The following MYO1D variants were observed in gnomAD, a reference collection of about 807,000 sequenced individuals.
MYO1D encodes myosin ID.
A neutral mutation model predicts 122.0 loss-of-function variants in MYO1D; 83 were observed. The observed-to-expected ratio is 0.68, with a 90% CI of 0.57 to 0.82. The LOEUF (loss-of-function observed/expected upper bound fraction) is 0.82. Ranked by LOEUF, MYO1D falls within the 40% of genes least tolerant of loss-of-function variation. MYO1D has a pLI of 0.00. For missense variants in MYO1D, 1,157 were observed against 1,269.5 expected (o/e 0.91, Z 1.35); for synonymous variants, 464 against 446.9 (o/e 1.04, Z -0.48).
Position 32,772,840 on chromosome 17 carries a change from A to G in MYO1D, c.567T>C (p.Ser189=), listed in dbSNP as rs961955902. The G allele has an allele frequency of 4.3e-6, 7 of 1,613,316 alleles. No individual in the cohort carries two copies. The highest frequency in any genetic ancestry group is 1.7e-5 in the Admixed American group (1 of 59,994). Residue 189 remains serine (S), a splice_region_variant and synonymous_variant, in exon 5 of 22, where the codon TCT becomes TCC. Transcript: ENST00000318217. ...CTCCTGGCTGTTGCACAATCACTCG[A>G]GACTAAGAAAAAACACATTAAAATG... ...GHINNYLLEK[S]RVIVQQPGER...
At chr17:32,603,117 C>T (rs1481074099) in intron 21 of MYO1D, among the ~76,000 whole-genome samples, 4 of 151,526 alleles carry the variant, frequency 2.6e-5, no homozygotes, top group Non-Finnish European at 5.9e-5. Context: ...TGATAGTCTT[C>T]TCTTCACATT....
intron 16 of MYO1D, among the ~76,000 whole-genome samples, chr17:32,696,225 C>T (rs2089170485): frequency 6.6e-6 from 1 of 151,852 alleles, no homozygotes; most frequent in African/African-American, 2.4e-5. Flanking sequence ...TTCACTGTGG[C>T]ATTTCACAGA....
intron 4 of MYO1D, among the ~76,000 whole-genome samples, chr17:32,774,080 T>A (rs1344951867): frequency 6.6e-6 from 1 of 152,078 alleles, no homozygotes; most frequent in African/African-American, 2.4e-5. Flanking sequence ...ATAATCCTTT[T>A]ATCACCTCCC....
intron 16 of MYO1D, among the ~76,000 whole-genome samples, chr17:32,695,334 T>C (rs2089158812): frequency 6.6e-6 from 1 of 152,212 alleles, no homozygotes; most frequent in Non-Finnish European, 1.5e-5. Flanking sequence ...GTGGTAATGT[T>C]TGCTCACTTG....
intron 1 of MYO1D, among the ~76,000 whole-genome samples, chr17:32,807,267 T>C (rs1199602708): frequency 6.6e-6 from 1 of 152,138 alleles, no homozygotes; most frequent in Admixed American, 6.5e-5. Context: ...AGTAAAAATA[T>C]TTAAACAGGG....
intron 14 of MYO1D, among the ~76,000 whole-genome samples, chr17:32,733,374 G>T (rs2089662465): frequency 6.6e-6 from 1 of 152,204 alleles, no homozygotes; most frequent in Admixed American, 6.5e-5. Context: ...TAATCAAATT[G>T]TCAGTTTGAG....
chr17:32,510,152 G>A (rs989877111), intron 21 of MYO1D: 3 of 152,262 alleles, frequency 2.0e-5, no homozygotes, highest in South Asian at 2.1e-4. Context: ...ACCTGGCCCA[G>A]GGCAACTGTC....
intron 1 of MYO1D, among the ~76,000 whole-genome samples, chr17:32,785,509 T>C (rs187002967): frequency 4.3e-4 from 66 of 152,300 alleles, no homozygotes; most frequent in African/African-American, 1.5e-3. Context: ...AGGAGAGGTG[T>C]CCATCTACCC....
intron 1 of MYO1D, among the ~76,000 whole-genome samples, chr17:32,839,881 C>T (rs909498899): frequency 3.9e-5 from 6 of 152,158 alleles, no homozygotes; most frequent in South Asian, 4.2e-4. Flanking sequence ...GAAGATCTGA[C>T]GGTCTGACAA....
At chr17:32,624,216 G>GT (rs3040378) in intron 20 of MYO1D, among the ~76,000 whole-genome samples, 3,728 of 137,872 alleles carry the variant, frequency 0.027, 154 homozygotes, top group African/African-American at 0.081. Context: ...TTTTCTTTAA[G>GT]TTTTTTTTTT....
intron 16 of MYO1D, among the ~76,000 whole-genome samples, chr17:32,692,078 C>T (rs2089110087): frequency 6.6e-6 from 1 of 152,150 alleles, no homozygotes; most frequent in Non-Finnish European, 1.5e-5. Flanking sequence ...TCTGCAGTTG[C>T]TGAAATTTTT....
rs375964215 is a variant in MYO1D, at chr17:32,712,055, C to G, written c.2054G>C (p.Arg685Pro). The G allele has an allele frequency of 6.2e-7, 1 of 1,614,036 alleles. No homozygotes were observed. Among genetic ancestry groups the G allele is most frequent in the Non-Finnish European group, 8.5e-7 (1 of 1,179,998 alleles). ...GAGTTCTTCCAAGGTAAACAATGTT[C>G]GGGGTGTTCGAATGAAAATTTTGGT... ...GKTKIFIRTP[R>P]TLFTLEELRA... The change falls in exon 16 of 22, where the codon CGA (arginine) becomes CCA (proline). Residue 685 changes from arginine to proline, a missense_variant. Transcript: ENST00000318217.
At chr17:32,824,947 G>A (rs2090708024) in intron 1 of MYO1D, among the ~76,000 whole-genome samples, 2 of 152,196 alleles carry the variant, frequency 1.3e-5, no homozygotes, top group African/African-American at 4.8e-5. Flanking sequence ...ATTCGTGGAG[G>A]AGAGGAAAGG....
chr17:32,686,759 G>A (rs892634019), intron 16 of MYO1D, among the ~76,000 whole-genome samples: 8 of 152,062 alleles, frequency 5.3e-5, no homozygotes, highest in Non-Finnish European at 1.2e-4. Context: ...CAGCTACTTG[G>A]GAGGCTGAGG....
chr17:32,686,723 G>A (rs1361638791), intron 16 of MYO1D, among the ~76,000 whole-genome samples: 1 of 152,042 alleles, frequency 6.6e-6, no homozygotes, highest in Non-Finnish European at 1.5e-5. Context: ...AACAATAGCT[G>A]AGGTGGTGGT....
chr17:32,556,577 A>T (rs72813081), intron 21 of MYO1D, among the ~76,000 whole-genome samples: 3,292 of 142,706 alleles, frequency 0.023, 58 homozygotes, highest in Middle Eastern at 0.058. Flanking sequence ...TTAAGATGGG[A>T]TCTTGCTATG....
Position 32,605,259 on chromosome 17 carries a change from A to T in MYO1D, c.2710-18T>A, listed in dbSNP as rs1400097122. 6.5e-7 allele frequency: 1 copy of T among 1,539,638 alleles called. No homozygotes were observed. The highest frequency in any genetic ancestry group is 1.3e-5 in the South Asian group (1 of 79,736). On this transcript the variant is annotated intron_variant, in intron 20 of 21. Transcript: ENST00000318217. The stretch of plus-strand genomic sequence containing the variant: ...CCAGTCAACTGCAAAGAGAAAATGC[A>T]TGGAAAACTATTTGGATCATTCTCA...
At chr17:32,603,556 CCTT>C (rs2087588060) in intron 21 of MYO1D, among the ~76,000 whole-genome samples, 1 of 139,904 alleles carries the variant, frequency 7.1e-6, no homozygotes, top group Non-Finnish European at 1.5e-5. Flanking sequence ...GACAGAGTCT[CCTT>C]CTGTTGCCCA....
At chr17:32,620,450 A>G (rs1164401548) in intron 20 of MYO1D, among the ~76,000 whole-genome samples, 1 of 152,156 alleles carries the variant, frequency 6.6e-6, no homozygotes, top group Non-Finnish European at 1.5e-5. Context: ...GGCAAGAAAG[A>G]GCAGGCTCTT....
Sources: allele counts gnomAD v4.1 joint callset (sites outside exome capture counted in the v4.1 genomes callset), GRCh38; gene constraint gnomAD v4.1.1; transcripts MANE v1.5; gene names NCBI Gene and HGNC (gene_info 2026-07-23, HGNC 2026-07-21).